The following EML6 variants were observed in gnomAD, a reference collection of about 807,000 sequenced individuals.
EML6 encodes the protein echinoderm microtubule-associated protein-like 6.
EML6 carries 154 observed loss-of-function variants against 240.1 expected under a neutral mutation model. That is an observed-to-expected ratio of 0.64 (90% CI 0.56 to 0.73). EML6 has a LOEUF of 0.73. Ranked by LOEUF, EML6 falls within the 30% of genes least tolerant of loss-of-function variation. EML6 has a pLI of 0.00. For synonymous variants in EML6, 1,148 were observed against 899.0 expected (o/e 1.28, Z -4.95); for missense variants, 2,964 against 2,474.6 (o/e 1.20, Z -4.20).
chr2:54,793,725 A>G (rs1002051584), intron 2 of EML6, among the ~76,000 whole-genome samples: 3 of 152,122 alleles, frequency 2.0e-5, no homozygotes, highest in Non-Finnish European at 2.9e-5. Flanking sequence ...TGGTGACTAC[A>G]TAAGTGTTGT....
chr2:54,959,728 C>T (rs1676406931), intron 34 of EML6, among the ~76,000 whole-genome samples: 1 of 152,138 alleles, frequency 6.6e-6, no homozygotes. Flanking sequence ...TGTCATTGCA[C>T]TCCAGCCTGG....
intron 15 of EML6, among the ~76,000 whole-genome samples, chr2:54,870,295 G>C (rs1003252532): frequency 6.7e-6 from 1 of 149,754 alleles, no homozygotes; most frequent in South Asian, 2.1e-4. Flanking sequence ...AGTTGTATTT[G>C]GGGGAAAAAG....
chr2:54,879,735 C>G (rs1671718413), intron 17 of EML6, 95 bp downstream of exon 17: 2 of 799,858 alleles, frequency 2.5e-6, no homozygotes, highest in African/African-American at 1.8e-5. Context: ...CATCTTCAAA[C>G]TCAGGTGAAA....
At chr2:54,843,929 T>C (rs947963460) in intron 7 of EML6, 118 bp from the exon 8 acceptor site, 11 of 740,108 alleles carry the variant, frequency 1.5e-5, no homozygotes, top group African/African-American at 3.5e-5. Flanking sequence ...TCACATTTGA[T>C]GGTATCCTGG....
intron 17 of EML6, chr2:54,882,364 G>A (rs899409170): frequency 6.7e-6 from 1 of 148,412 alleles, no homozygotes; most frequent in Admixed American, 6.8e-5. Flanking sequence ...TCTTATAGAA[G>A]TAGTTACAGG....
chr2:54,795,421 C>A (rs1669707375), intron 2 of EML6, among the ~76,000 whole-genome samples: 1 of 152,182 alleles, frequency 6.6e-6, no homozygotes, highest in Non-Finnish European at 1.5e-5. Flanking sequence ...CCCCACCAGG[C>A]CCCTCCTCTG....
chr2:54,919,338 C>G (rs1674103180), intron 26 of EML6, among the ~76,000 whole-genome samples: 2 of 149,626 alleles, frequency 1.3e-5, no homozygotes, highest in Non-Finnish European at 3.0e-5. Flanking sequence ...TGTATTCAAT[C>G]TCAATTATTT....
intron 27 of EML6, 43 bp downstream of exon 27, chr2:54,928,557 C>A: frequency 6.5e-7 from 1 of 1,550,074 alleles, no homozygotes; most frequent in South Asian, 1.2e-5. Context: ...CCGAATGCAC[C>A]TCCCAACACC....
rs760896121 is a variant in EML6, at chr2:54,964,080, A to T, written c.5252A>T (p.Glu1751Val). 2.9e-5 allele frequency: 45 copies of T among 1,551,560 alleles called. No homozygotes were observed. Among genetic ancestry groups the T allele is most frequent in the Non-Finnish European group, 3.8e-5 (44 of 1,146,992 alleles). ...EMVAIGMKNG[E>V]FVILLVNSLK... ...GTGGCCATTGGCATGAAGAATGGAG[A>T]GTTTGTCATCTTGTTGGTGAACAGC... is the stretch of plus-strand genomic sequence containing the variant. The change falls in exon 37 of 42, where the codon GAG (glutamate) becomes GTG (valine). Residue 1751 changes from glutamate (E) to valine (V), a missense_variant. Coordinates refer to ENST00000356458, the MANE Select transcript of EML6 (RefSeq NM_001039753.4).
intron 41 of EML6, among the ~76,000 whole-genome samples, chr2:54,969,035 G>A (rs1676875844): frequency 1.3e-5 from 2 of 152,210 alleles, no homozygotes; most frequent in Non-Finnish European, 2.9e-5. Context: ...CACTGCTGGG[G>A]GAAAGGGACA....
intron 5 of EML6, among the ~76,000 whole-genome samples, chr2:54,823,266 G>A (rs1572954495): frequency 6.6e-6 from 1 of 152,142 alleles, no homozygotes. Flanking sequence ...CTTAGGCTGA[G>A]CCTCAGTGGG....
chr2:54,860,311 G>A (rs1380501902), intron 12 of EML6, among the ~76,000 whole-genome samples: 2 of 152,156 alleles, frequency 1.3e-5, no homozygotes, highest in Non-Finnish European at 2.9e-5. Flanking sequence ...TAGACCATGG[G>A]AAAGAAGCCT....
intron 22 of EML6, among the ~76,000 whole-genome samples, chr2:54,901,654 C>T (rs1029640560): frequency 1.6e-4 from 24 of 152,210 alleles, no homozygotes; most frequent in African/African-American, 5.8e-4. Flanking sequence ...CTTGATGATG[C>T]TCTTCAAGGG....
In EML6 at chr2:54,910,944, G is replaced by A. The variant is rs576496031; in HGVS notation, c.3410-10G>A. 1.7e-5 allele frequency: 26 copies of A among 1,491,418 alleles called. No individual in the cohort carries two copies. The East Asian group carries it at 4.4e-4, about 25-fold the overall frequency. 92.4% of individuals were successfully genotyped at this position (1,491,418 alleles called of 1,614,324 possible). A position where few individuals can be genotyped will look rare whatever the true frequency, so the allele number is the denominator to read the frequency against. On this transcript the variant is annotated splice_polypyrimidine_tract_variant and intron_variant, in intron 24 of 41. Transcript: ENST00000356458. Reference sequence around the variant, plus strand: ...TTTAATTATCTCTCTACTTCGTTCTGTCGTAACAGGAAAATTATTGCAAGT... The same window carrying A: ...TTTAATTATCTCTCTACTTCGTTCTATCGTAACAGGAAAATTATTGCAAGT...
At chr2:54,958,086 A>C (rs1676318004) in intron 33 of EML6, 88 bp downstream of exon 33, 1 of 1,210,434 alleles carries the variant, frequency 8.3e-7, no homozygotes, top group African/African-American at 1.5e-5. Flanking sequence ...TTTGGCCAAG[A>C]GGCTGAAAAC....
intron 5 of EML6, among the ~76,000 whole-genome samples, chr2:54,825,235 T>G (rs1668531097): frequency 6.6e-6 from 1 of 152,214 alleles, no homozygotes; most frequent in Non-Finnish European, 1.5e-5. Flanking sequence ...GGGAACTGTC[T>G]GCCTTAAGCA....
At chr2:54,861,562 C>T (rs991364122) in intron 12 of EML6, among the ~76,000 whole-genome samples, 6 of 152,162 alleles carry the variant, frequency 3.9e-5, no homozygotes, top group African/African-American at 1.2e-4. Context: ...CTTCTAGCTA[C>T]ATCAAAAGTG....
At chr2:54,777,012 C>A (rs570173227) in intron 2 of EML6, among the ~76,000 whole-genome samples, 1 of 151,912 alleles carries the variant, frequency 6.6e-6, no homozygotes, top group African/African-American at 2.4e-5. Flanking sequence ...TATTTTATTC[C>A]GTTTCATTAG....
At chr2:54,897,481 T>C (rs1558662765) in intron 21 of EML6, among the ~76,000 whole-genome samples, 1 of 152,130 alleles carries the variant, frequency 6.6e-6, no homozygotes, top group Non-Finnish European at 1.5e-5. Flanking sequence ...GCCCAGAAAA[T>C]TACCCACAGT....
Sources: gnomAD v4.1 joint callset for allele counts (sites outside exome capture counted in the v4.1 genomes callset) on GRCh38, gnomAD v4.1.1 for gene constraint, MANE v1.5 for transcripts, NCBI Gene and HGNC (gene_info 2026-07-23, HGNC 2026-07-21) for gene names.